Variants in ZMYND8 observed in about 807,000 individuals in gnomAD.
The protein encoded by ZMYND8 is zinc finger MYND-type containing 8, also known as MYND-type zinc finger-containing chromatin reader ZMYND8.
In ZMYND8, 37 loss-of-function variants were observed where a neutral mutation model predicts 140.8. That is an observed-to-expected ratio of 0.26 (90% CI 0.20 to 0.35). The LOEUF is 0.35. Among genes scored for constraint, ZMYND8 ranks in the 10% least tolerant of loss-of-function variants. The pLI is 1.00. For synonymous variants in ZMYND8, 592 were observed against 597.1 expected (o/e 0.99, Z 0.12); for missense variants, 1,068 against 1,570.0 (o/e 0.68, Z 5.40).
At chr20:47,215,367 C>T (rs1428722783) in intron 21 of ZMYND8, among the ~76,000 whole-genome samples, 1 of 151,996 alleles carries the variant, frequency 6.6e-6, no homozygotes, top group Non-Finnish European at 1.5e-5. Flanking sequence ...TGCAAGACTC[C>T]ATCTCAAATA....
chr20:47,229,022 G>T (rs1356879294), intron 17 of ZMYND8, among the ~76,000 whole-genome samples: 1 of 151,544 alleles, frequency 6.6e-6, no homozygotes, highest in Non-Finnish European at 1.5e-5. Flanking sequence ...AAGAGACAGG[G>T]TCTCATTCTG....
chr20:47,283,717 T>C (rs2076749102), intron 8 of ZMYND8, 69 bp from the exon 9 acceptor site: 1 of 1,472,378 alleles, frequency 6.8e-7, no homozygotes, highest in Non-Finnish European at 9.4e-7. Flanking sequence ...CAATCAATGC[T>C]TGATGATTTT....
At chr20:47,352,350 A>T in intron 1 of ZMYND8, 1 of 685,886 alleles carries the variant, frequency 1.5e-6, no homozygotes, top group Non-Finnish European at 1.8e-6. Flanking sequence ...ATAAGCCTGC[A>T]AACAGCCACC....
At chr20:47,255,759 TATATAC>T (rs1194349837) in intron 12 of ZMYND8, among the ~76,000 whole-genome samples, 112 of 106,036 alleles carry the variant, frequency 1.1e-3, no homozygotes, top group African/African-American at 4.6e-3. Context: ...TATATATATA[TATATAC>T]GGTATATATA....
intron 5 of ZMYND8, among the ~76,000 whole-genome samples, chr20:47,294,338 C>T (rs1371770319): frequency 1.3e-5 from 2 of 151,050 alleles, no homozygotes; most frequent in Admixed American, 6.6e-5. Context: ...GGTGACAGAG[C>T]AAGTCTCCAT....
intron 7 of ZMYND8, among the ~76,000 whole-genome samples, chr20:47,289,631 CA>C (rs553430443): frequency 2.7e-5 from 4 of 147,802 alleles, no homozygotes; most frequent in Non-Finnish European, 4.5e-5. Flanking sequence ...AAATCAGCAA[CA>C]AAAAAAAAGG....
At chr20:47,340,807 TAA>T (rs11481340) in intron 2 of ZMYND8, among the ~76,000 whole-genome samples, 11 of 133,772 alleles carry the variant, frequency 8.2e-5, no homozygotes, top group African/African-American at 1.1e-4. Context: ...TTTTTTAATG[TAA>T]AAAAAAAAAA....
chr20:47,343,875 T>C (rs977299537), intron 2 of ZMYND8, among the ~76,000 whole-genome samples: 11 of 152,018 alleles, frequency 7.2e-5, no homozygotes, highest in African/African-American at 2.7e-4. Flanking sequence ...GGTGATGCCT[T>C]GTGACTTCCT....
intron 12 of ZMYND8, among the ~76,000 whole-genome samples, chr20:47,254,451 G>A (rs1452913268): frequency 1.3e-5 from 2 of 152,194 alleles, no homozygotes; most frequent in Non-Finnish European, 2.9e-5. Context: ...GGAAAGAAGC[G>A]TAGCGTCAGT....
At chr20:47,242,420 G>T (rs1278247942) in intron 14 of ZMYND8, among the ~76,000 whole-genome samples, 2 of 152,238 alleles carry the variant, frequency 1.3e-5, no homozygotes, top group African/African-American at 4.8e-5. Flanking sequence ...ATGGGGCACA[G>T]TCCCCGCCTC....
At chr20:47,309,954 C>T in intron 3 of ZMYND8, 102 bp downstream of exon 3, 1 of 1,519,146 alleles carries the variant, frequency 6.6e-7, no homozygotes, top group Non-Finnish European at 9.0e-7. Context: ...AGGCAGCTAA[C>T]TAAATCCAAG....
intron 12 of ZMYND8, among the ~76,000 whole-genome samples, chr20:47,260,197 C>T (rs180747967): frequency 6.6e-6 from 1 of 152,248 alleles, no homozygotes; most frequent in Admixed American, 6.5e-5. Flanking sequence ...GGTGTGACAA[C>T]CAAAAATGTC....
At chr20:47,303,670 T>C (rs1300691664) in intron 3 of ZMYND8, among the ~76,000 whole-genome samples, 4 of 151,810 alleles carry the variant, frequency 2.6e-5, no homozygotes, top group African/African-American at 7.3e-5. Context: ...CACTCCAGCC[T>C]GTGTAACAGA....
chr20:47,354,215 A>C (rs991677587), intron 1 of ZMYND8: 1 of 152,210 alleles, frequency 6.6e-6, no homozygotes. Context: ...GGGGCTGTAC[A>C]TTTGAAAACA....
At chr20:47,245,179 C>T (rs6018359) in intron 14 of ZMYND8, among the ~76,000 whole-genome samples, 32,211 of 152,150 alleles carry the variant, frequency 0.21, 6,806 homozygotes, top group African/African-American at 0.53. Flanking sequence ...TAAGAAAATA[C>T]ACTTGGAGAT....
intron 10 of ZMYND8, 131 bp downstream of exon 10, chr20:47,281,971 C>A: frequency 1.3e-6 from 1 of 783,160 alleles, no homozygotes; most frequent in Non-Finnish European, 2.0e-6. Context: ...TTTATTTCAA[C>A]AACAAGATCA....
intron 10 of ZMYND8, among the ~76,000 whole-genome samples, chr20:47,279,337 G>A (rs2076454658): frequency 6.6e-6 from 1 of 151,958 alleles, no homozygotes. Context: ...GGATGTGGTG[G>A]CACGCCCCTG....
chr20:47,276,545 CCTT>C lies in ZMYND8; in HGVS notation c.1246_1248del (p.Lys416del), dbSNP rs1413116691. ...GCCGTCATGTCAAAGTTGAGCTTGA[CCTT>C]CTCCTGCTTGTCTATCTTGGCAGTG... On this transcript the variant is annotated inframe_deletion, in exon 11 of 23. Transcript: ENST00000471951. The C allele has an allele frequency of 1.2e-6, 2 of 1,614,014 alleles. No individual in the cohort carries two copies. Among genetic ancestry groups the C allele is most frequent in the Middle Eastern group, 1.6e-4 (1 of 6,062 alleles).
chr20:47,255,758 AT>A (rs2074634345), intron 12 of ZMYND8, among the ~76,000 whole-genome samples: 1 of 90,266 alleles, frequency 1.1e-5, no homozygotes, highest in Non-Finnish European at 2.0e-5. Flanking sequence ...ATATATATAT[AT>A]ATATACGGTA....
Sources: allele counts gnomAD v4.1 joint callset (sites outside exome capture counted in the v4.1 genomes callset), GRCh38; gene constraint gnomAD v4.1.1; transcripts MANE v1.5; gene names NCBI Gene and HGNC (gene_info 2026-07-23, HGNC 2026-07-21).